Variants in LRRC4C observed in about 807,000 individuals in gnomAD.
LRRC4C encodes leucine-rich repeat-containing protein 4C.
Under a neutral mutation model 33.6 loss-of-function variants are expected in LRRC4C, and 5 were observed. The ratio of observed to expected loss-of-function variants is 0.15; its 90% confidence interval spans 0.08 to 0.31. The LOEUF is 0.31. Among genes scored for constraint, LRRC4C ranks in the 10% least tolerant of loss-of-function variants. The pLI is 1.00. For missense variants in LRRC4C, 560 were observed against 796.7 expected (o/e 0.70, Z 3.58); for synonymous variants, 329 against 302.0 (o/e 1.09, Z -0.93).
At chr11:40,278,238 G>T (rs1374594665) in intron 4 of LRRC4C, among the ~76,000 whole-genome samples, 1 of 152,108 alleles carries the variant, frequency 6.6e-6, no homozygotes, top group Non-Finnish European at 1.5e-5. Context: ...CCGTCACCTT[G>T]CCTATGAAGA....
At chr11:41,288,623 T>C (rs781651749) in intron 1 of LRRC4C, among the ~76,000 whole-genome samples, 8 of 152,220 alleles carry the variant, frequency 5.3e-5, no homozygotes, top group South Asian at 2.1e-4. Context: ...TAAGATTTTA[T>C]CTTCAGTCCA....
intron 1 of LRRC4C, among the ~76,000 whole-genome samples, chr11:41,289,621 A>T (rs1317572758): frequency 6.6e-6 from 1 of 152,198 alleles, no homozygotes; most frequent in Non-Finnish European, 1.5e-5. Flanking sequence ...CAGGCCATCC[A>T]CAAGACAGGA....
intron 2 of LRRC4C, among the ~76,000 whole-genome samples, chr11:40,822,833 G>T (rs1159601638): frequency 6.6e-6 from 1 of 151,600 alleles, no homozygotes; most frequent in Non-Finnish European, 1.5e-5. Flanking sequence ...AATTCATTTT[G>T]ATTTGATTTT....
chr11:41,075,037 A>ATTTTTTTTTC (rs1565359554), intron 1 of LRRC4C, among the ~76,000 whole-genome samples: 1 of 29,452 alleles, frequency 3.4e-5, no homozygotes, highest in Admixed American at 4.1e-4. Context: ...TTTTTTTTTT[A>ATTTTTTTTTC]TTTTTAATGT....
In LRRC4C at chr11:40,619,364, A is replaced by G. The variant is rs1305645832; in HGVS notation, c.-270+28778T>C. Among the ~76,000 whole-genome samples the G allele has an allele frequency of 2.0e-5, 3 of 151,756 alleles. No homozygotes were observed. In the East Asian group the frequency reaches 5.8e-4, roughly 29 times the overall value. The stretch of plus-strand genomic sequence containing the variant: ...ATGGTGTTATTGATGAAGAATGTTC[A>G]TACTTATTTCACATTGCATGCCTGT... On this transcript the variant is annotated intron_variant, in intron 3 of 6. Coordinates refer to ENST00000528697, the MANE Select transcript of LRRC4C (RefSeq NM_001258419.2).
intron 2 of LRRC4C, among the ~76,000 whole-genome samples, chr11:40,749,657 A>T (rs184114356): frequency 6.6e-6 from 1 of 151,878 alleles, no homozygotes; most frequent in East Asian, 1.9e-4. Context: ...CTAAAAAAAA[A>T]AAGGAAAAAG....
chr11:40,690,801 G>GT (rs1338127063), intron 2 of LRRC4C, among the ~76,000 whole-genome samples: 8 of 152,154 alleles, frequency 5.3e-5, no homozygotes, highest in Middle Eastern at 3.4e-3. Flanking sequence ...ACGCAGAGTT[G>GT]TAAGATGCAG....
intron 1 of LRRC4C, among the ~76,000 whole-genome samples, chr11:41,354,826 TTCACCATATA>T (rs1166206987): frequency 2.0e-5 from 3 of 151,944 alleles, no homozygotes; most frequent in African/African-American, 7.2e-5. Flanking sequence ...CTGTACTCAT[TTCACCATATA>T]TAAAAATCAA....
intron 1 of LRRC4C, among the ~76,000 whole-genome samples, chr11:41,022,109 C>T (rs1429153716): frequency 6.8e-6 from 1 of 147,776 alleles, no homozygotes; most frequent in Non-Finnish European, 1.5e-5. Context: ...AATGCTTATG[C>T]TAACTTTAAT....
intron 1 of LRRC4C, among the ~76,000 whole-genome samples, chr11:41,244,972 T>C (rs1021526693): frequency 1.3e-5 from 2 of 152,134 alleles, no homozygotes; most frequent in Non-Finnish European, 2.9e-5. Flanking sequence ...CACAGTCCCA[T>C]AGTAGAAACA....
chr11:40,422,650 T>C (rs548361835), intron 3 of LRRC4C, among the ~76,000 whole-genome samples: 1 of 151,956 alleles, frequency 6.6e-6, no homozygotes, highest in Admixed American at 6.6e-5. Flanking sequence ...GTCATTCTTT[T>C]CTCTTACTTT....
chr11:40,625,134 G>A (rs1962807107), intron 3 of LRRC4C, among the ~76,000 whole-genome samples: 1 of 152,084 alleles, frequency 6.6e-6, no homozygotes, highest in South Asian at 2.1e-4. Flanking sequence ...GGGTCACATG[G>A]CTAATAATTG....
intron 1 of LRRC4C, among the ~76,000 whole-genome samples, chr11:41,075,188 A>G (rs1939058063): frequency 1.3e-5 from 2 of 151,998 alleles, no homozygotes; most frequent in African/African-American, 4.8e-5. Context: ...CTCAACGGTC[A>G]CTTTGCCCCA....
rs542379109 is a variant in LRRC4C, at chr11:40,127,454, T to C, written c.-42-11120A>G. 8.5e-5 allele frequency among the ~76,000 whole-genome samples: 13 copies of C among 152,150 alleles called. No homozygotes were observed. The South Asian group carries it at 2.7e-3, about 32-fold the overall frequency. ...TAATGGAAGTAAAGGACTTACACTA[T>C]AGAAGTTAGTTAAACTAGCCCAATT... On this transcript the variant is annotated intron_variant, in intron 6 of 6. Transcript: ENST00000528697.
At chr11:40,401,748 A>C (rs914593125) in intron 3 of LRRC4C, among the ~76,000 whole-genome samples, 1 of 152,126 alleles carries the variant, frequency 6.6e-6, no homozygotes, top group Non-Finnish European at 1.5e-5. Flanking sequence ...TAAAGTGAAA[A>C]GGGTGTGAAA....
chr11:41,444,191 GT>G (rs1646100512), intron 1 of LRRC4C, among the ~76,000 whole-genome samples: 1 of 152,180 alleles, frequency 6.6e-6, no homozygotes, highest in South Asian at 2.1e-4. Flanking sequence ...TTGGCTCTCT[GT>G]ATGTGTGGGT....
chr11:40,524,878 A>G (rs965923151), intron 3 of LRRC4C, among the ~76,000 whole-genome samples: 5 of 152,176 alleles, frequency 3.3e-5, no homozygotes, highest in African/African-American at 1.2e-4. Flanking sequence ...CATAAACTTC[A>G]CTGTGATAAA....
At chr11:40,957,861 A>T (rs1959030548) in intron 1 of LRRC4C, among the ~76,000 whole-genome samples, 1 of 151,676 alleles carries the variant, frequency 6.6e-6, no homozygotes, top group Admixed American at 6.6e-5. Flanking sequence ...CAGCCCTTCC[A>T]GTTTCTAGCT....
intron 1 of LRRC4C, among the ~76,000 whole-genome samples, chr11:41,424,729 C>T (rs1310753996): frequency 6.6e-6 from 1 of 151,996 alleles, no homozygotes; most frequent in Admixed American, 6.6e-5. Context: ...ATATAATACG[C>T]ATTTATTTTA....
Sources: gnomAD v4.1 joint callset for allele counts (sites outside exome capture counted in the v4.1 genomes callset) on GRCh38, gnomAD v4.1.1 for gene constraint, MANE v1.5 for transcripts, NCBI Gene and HGNC (gene_info 2026-07-23, HGNC 2026-07-21) for gene names.